The following TMEM232 variants were observed in gnomAD, a reference collection of about 807,000 sequenced individuals.
The protein encoded by TMEM232 is transmembrane protein 232.
Under a neutral mutation model 78.8 loss-of-function variants are expected in TMEM232, and 80 were observed. That is an observed-to-expected ratio of 1.01 (90% CI 0.85 to 1.22). The LOEUF (loss-of-function observed/expected upper bound fraction) is 1.22. Ranked by LOEUF, TMEM232 falls within the 50% of genes most tolerant of loss-of-function variation. The pLI, the probability that TMEM232 is intolerant of heterozygous loss-of-function variation, is 0.00. For synonymous variants in TMEM232, 297 were observed against 254.3 expected (o/e 1.17, Z -1.60); for missense variants, 881 against 742.2 (o/e 1.19, Z -2.17).
chr5:110,606,372 G>T, intron 8 of TMEM232, 85 bp from the exon 9 acceptor site: 1 of 1,333,710 alleles, frequency 7.5e-7, no homozygotes, highest in South Asian at 1.8e-5. Flanking sequence ...AATGAAATAG[G>T]TCAGAGGAAA....
rs532174058 is a variant in TMEM232 at position 110,496,522 on chromosome 5, T to C, written c.1703+32066A>G. Among the ~76,000 whole-genome samples the C allele has an allele frequency of 2.6e-5, 4 of 152,170 alleles. No homozygotes were observed. The East Asian group carries it at 5.8e-4, about 22-fold the overall frequency. The stretch of plus-strand genomic sequence containing the variant: ...AAGGTAAATGCAGACAAATGTGGAA[T>C]ATATGCCAATTATAGCAATGCTATA... On this transcript the variant is annotated intron_variant, in intron 12 of 13. Coordinates refer to ENST00000455884, the MANE Select transcript of TMEM232 (RefSeq NM_001039763.4).
intron 3 of TMEM232, among the ~76,000 whole-genome samples, chr5:110,397,043 A>C (rs1318143595): frequency 6.6e-6 from 1 of 152,156 alleles, no homozygotes; most frequent in African/African-American, 2.4e-5. Context: ...TTCTTGGAAG[A>C]AATATTTCCT....
chr5:110,674,210 A>C (rs142479326), intron 1 of TMEM232, among the ~76,000 whole-genome samples: 22 of 152,304 alleles, frequency 1.4e-4, no homozygotes, highest in African/African-American at 5.3e-4. Context: ...TGATGACAAA[A>C]TAAACTTTAC....
chr5:110,455,978 T>G (rs1760854103), intron 12 of TMEM232, among the ~76,000 whole-genome samples: 1 of 152,206 alleles, frequency 6.6e-6, no homozygotes, highest in Admixed American at 6.5e-5. Flanking sequence ...TCTATGAAAA[T>G]CTACAGCTTC....
intron 1 of TMEM232, among the ~76,000 whole-genome samples, chr5:110,679,755 AATAT>A (rs34596691): frequency 0.77 from 117,275 of 151,714 alleles, 47,434 homozygotes; most frequent in South Asian, 0.91. Flanking sequence ...TTCACTCATT[AATAT>A]ATATAATTTT....
chr5:110,431,740 T>C (rs12658160), intron 12 of TMEM232, among the ~76,000 whole-genome samples: 2 of 151,528 alleles, frequency 1.3e-5, no homozygotes, highest in Non-Finnish European at 3.0e-5. Context: ...GTAAGTGAAA[T>C]TAAGAAGTTG....
chr5:110,432,788 T>C (rs534526947), intron 12 of TMEM232, among the ~76,000 whole-genome samples: 1 of 151,668 alleles, frequency 6.6e-6, no homozygotes, highest in Non-Finnish European at 1.5e-5. Flanking sequence ...AAGGGATGAA[T>C]AAAGACCCAC....
chr5:110,612,638 G>C (rs1400596862), intron 8 of TMEM232, among the ~76,000 whole-genome samples: 3 of 152,088 alleles, frequency 2.0e-5, no homozygotes, highest in African/African-American at 7.2e-5. Flanking sequence ...AACACAAACA[G>C]TATGTCTGGA....
intron 12 of TMEM232, chr5:110,430,215 T>C (rs577456614): frequency 2.0e-5 from 3 of 151,900 alleles, no homozygotes; most frequent in Admixed American, 2.0e-4. Flanking sequence ...TTGATTAAAT[T>C]AACTTTCTTT....
chr5:110,539,066 C>G (rs548872383), intron 11 of TMEM232, among the ~76,000 whole-genome samples: 260 of 152,282 alleles, frequency 1.7e-3, no homozygotes, highest in African/African-American at 5.8e-3. Flanking sequence ...TAAGCATCAC[C>G]TGGCAGAATT....
At chr5:110,443,065 A>G (rs1299996273) in intron 12 of TMEM232, among the ~76,000 whole-genome samples, 1 of 152,166 alleles carries the variant, frequency 6.6e-6, no homozygotes, top group East Asian at 1.9e-4. Context: ...CACCCAAGGC[A>G]TACTGTAACC....
At chr5:110,683,480 T>C (rs1453830626) in intron 1 of TMEM232, among the ~76,000 whole-genome samples, 1 of 151,854 alleles carries the variant, frequency 6.6e-6, no homozygotes, top group African/African-American at 2.4e-5. Context: ...AAAAATACAA[T>C]ATCTAATATT....
chr5:110,402,848 G>T (rs1448176680), intron 2 of TMEM232, among the ~76,000 whole-genome samples: 1 of 152,058 alleles, frequency 6.6e-6, no homozygotes, highest in East Asian at 1.9e-4. Context: ...AAAAGTGGTG[G>T]AGAGGTAATT....
intron 1 of TMEM232, among the ~76,000 whole-genome samples, chr5:110,721,456 C>A (rs755556499): frequency 6.6e-6 from 1 of 151,190 alleles, no homozygotes; most frequent in East Asian, 2.0e-4. Flanking sequence ...ACATTCAGTG[C>A]CCAGGGTCCA....
chr5:110,669,897 T>G (rs1791132014), intron 1 of TMEM232, among the ~76,000 whole-genome samples: 1 of 152,284 alleles, frequency 6.6e-6, no homozygotes, highest in East Asian at 1.9e-4. Flanking sequence ...ATTATCTCAA[T>G]AGATGCAGAA....
At chr5:110,439,899 A>G (rs1024443392) in intron 12 of TMEM232, among the ~76,000 whole-genome samples, 3 of 152,088 alleles carry the variant, frequency 2.0e-5, no homozygotes, top group African/African-American at 4.8e-5. Context: ...AAAATTCTCT[A>G]TATTAACCTA....
intron 2 of TMEM232, among the ~76,000 whole-genome samples, chr5:110,410,816 T>G (rs992689256): frequency 8.5e-5 from 13 of 152,178 alleles, no homozygotes; most frequent in Non-Finnish European, 1.9e-4. Flanking sequence ...GGTTTGAGTT[T>G]GCATTGCTTG....
At chr5:110,573,410 T>C (rs771449325) in intron 10 of TMEM232, among the ~76,000 whole-genome samples, 3 of 152,038 alleles carry the variant, frequency 2.0e-5, no homozygotes, top group Non-Finnish European at 4.4e-5. Flanking sequence ...TGCAATGCCA[T>C]GTAGAGTTGA....
chr5:110,573,464 C>T (rs1486766811), intron 10 of TMEM232, among the ~76,000 whole-genome samples: 1 of 152,012 alleles, frequency 6.6e-6, no homozygotes, highest in African/African-American at 2.4e-5. Context: ...GGACAAGAAC[C>T]AGTCAGCCAG....
Sources: gnomAD v4.1 joint callset for allele counts (sites outside exome capture counted in the v4.1 genomes callset) on GRCh38, gnomAD v4.1.1 for gene constraint, MANE v1.5 for transcripts, NCBI Gene and HGNC (gene_info 2026-07-23, HGNC 2026-07-21) for gene names.